Variants in GPR55 observed in about 807,000 individuals in gnomAD.
GPR55 encodes G protein-coupled receptor 55.
In GPR55, 6 loss-of-function variants were observed where a neutral mutation model predicts 7.9. That is an observed-to-expected ratio of 0.76 (90% confidence interval 0.41 to 1.49). The LOEUF (loss-of-function observed/expected upper bound fraction) is 1.49. Among genes scored for constraint, GPR55 ranks in the 40% most tolerant of loss-of-function variants. GPR55 has a pLI of 0.01. For synonymous variants in GPR55, 183 were observed against 166.8 expected, an observed-to-expected ratio of 1.10 and a Z score of -0.75; for missense variants, 376 against 406.0, an observed-to-expected ratio of 0.93 and a Z score of 0.63.
In GPR55 at chr2:230,907,507, A is replaced by T. The variant is rs967917673; in HGVS notation, c.*2496T>A. 2.0e-5 allele frequency: 3 copies of T among 152,054 alleles called. No homozygotes were observed. The highest frequency in any genetic ancestry group is 7.2e-5 in the African/African-American group (3 of 41,382). 9.4% of individuals were successfully genotyped at this position (152,054 alleles called of 1,614,324 possible). On this transcript the variant is annotated 3_prime_UTR_variant, in exon 2 of 2. Coordinates refer to ENST00000650999, the MANE Select transcript of GPR55 (RefSeq NM_005683.4). Reference sequence around the variant, plus strand: ...GCAGCCGTAGTGGCCTGCAGCATGGACCTGTGCCCGCTCCCACAGACACGG... The same window carrying T: ...GCAGCCGTAGTGGCCTGCAGCATGGTCCTGTGCCCGCTCCCACAGACACGG...
chr2:230,940,831 T>C (rs1228050170), intron 1 of GPR55, among the ~76,000 whole-genome samples: 1 of 152,156 alleles, frequency 6.6e-6, no homozygotes, highest in African/African-American at 2.4e-5. Context: ...AAGAAGGGGT[T>C]GGAGACCAGG....
At position 230,908,251 on chromosome 2, in the gene GPR55, C is replaced by T; in HGVS notation, c.*1752G>A. On this transcript the variant is annotated 3_prime_UTR_variant, in exon 2 of 2. Coordinates refer to ENST00000650999, the MANE Select transcript of GPR55 (RefSeq NM_005683.4). ...CTGGTCTGGTCTGGTCTGGTCACTC[C>T]TCCACATCCACTTCCACCCCTTCAT... 1 of 153,214 alleles carries T rather than the reference C, an allele frequency of 6.5e-6. No homozygotes were observed. Among genetic ancestry groups the T allele is most frequent in the Non-Finnish European group, 1.5e-5 (1 of 68,730 alleles). The allele number at this position is 153,214 out of a possible 1,614,324, so 9.5% of individuals were successfully genotyped here.
In GPR55 at chr2:230,944,582, T is replaced by C. The variant is rs1691282910; in HGVS notation, c.-135+16193A>G. 6.6e-6 allele frequency among the ~76,000 whole-genome samples: 1 copy of C among 152,156 alleles called. No homozygotes were observed. Among genetic ancestry groups the C allele is most frequent in the Admixed American group, 6.5e-5 (1 of 15,280 alleles). ...CGTGTCTCTGGGAGCCCCCGGAGAATGACTCAACAGTGACGTCCTACAGCA... is the reference window on the plus strand; with the variant it reads ...CGTGTCTCTGGGAGCCCCCGGAGAACGACTCAACAGTGACGTCCTACAGCA... On this transcript the variant is annotated intron_variant, in intron 1 of 1. Transcript: ENST00000392039. The surrounding 1 kb of genome is among the most constrained non-coding windows in gnomAD (Gnocchi z 4.2).
chr2:230,957,992 G>T, intron 1 of GPR55: 2 of 409,262 alleles, frequency 4.9e-6, no homozygotes, highest in South Asian at 4.2e-5. Flanking sequence ...CCTGAAGTCA[G>T]TGTGAACAAA....
chr2:230,912,719 C>T (rs908535376), intron 1 of GPR55, among the ~76,000 whole-genome samples: 8 of 152,212 alleles, frequency 5.3e-5, no homozygotes, highest in Non-Finnish European at 1.0e-4. Flanking sequence ...GGATTACAGG[C>T]GGGAGGCCCC....
At chr2:230,960,017 G>A (rs1691545001) in intron 1 of GPR55, among the ~76,000 whole-genome samples, 1 of 152,214 alleles carries the variant, frequency 6.6e-6, no homozygotes, top group Non-Finnish European at 1.5e-5. Flanking sequence ...GGATCATAGA[G>A]TAGACCCACC....
intron 1 of GPR55, among the ~76,000 whole-genome samples, chr2:230,947,626 C>T (rs1574634987): frequency 6.6e-6 from 1 of 151,760 alleles, no homozygotes; most frequent in Non-Finnish European, 1.5e-5. Flanking sequence ...GCCTCAGCCT[C>T]CCACGTAGCT....
In GPR55 at chr2:230,924,049, C is replaced by A. The variant is rs935474347; in HGVS notation, c.-135+1119G>T. Among the ~76,000 whole-genome samples the A allele has an allele frequency of 2.0e-5, 3 of 152,120 alleles. No individual in the cohort carries two copies. Among genetic ancestry groups the A allele is most frequent in the Non-Finnish European group, 2.9e-5 (2 of 68,026 alleles). The stretch of plus-strand genomic sequence containing the variant: ...TTCCCAGTGCAGTCCTGAGTGGGTG[C>A]CTTGAAAAGTCCTCTGTGTATCCCA... On this transcript the variant is annotated intron_variant, in intron 1 of 1. Coordinates refer to ENST00000650999, the MANE Select transcript of GPR55 (RefSeq NM_005683.4). This position sits in a 1 kb window ranked among gnomAD's most constrained non-coding sequence, Gnocchi z 4.5.
At position 230,924,636 on chromosome 2, in the gene GPR55, A is replaced by G. The variant is rs1690910004; in HGVS notation, c.-135+532T>C. Reference sequence around the variant, plus strand: ...TGCCCCAGAGAGGTAAACGGAGGCTAGAGAAATTACGCAGCTGGTGAGTGG... The same window carrying G: ...TGCCCCAGAGAGGTAAACGGAGGCTGGAGAAATTACGCAGCTGGTGAGTGG... On this transcript the variant is annotated intron_variant, in intron 1 of 1. Coordinates refer to ENST00000650999, the MANE Select transcript of GPR55 (RefSeq NM_005683.4). The surrounding 1 kb of genome is among the most constrained non-coding windows in gnomAD (Gnocchi z 4.5). 6.6e-6 allele frequency: 1 copy of G among 152,208 alleles called. No individual in the cohort carries two copies. The highest frequency in any genetic ancestry group is 2.4e-5 in the African/African-American group (1 of 41,420). 9.4% of individuals were successfully genotyped at this position (152,208 alleles called of 1,614,324 possible).
At chr2:230,940,213 G>A (rs111319637) in intron 1 of GPR55, among the ~76,000 whole-genome samples, 3,698 of 152,184 alleles carry the variant, frequency 0.024, 138 homozygotes, top group African/African-American at 0.085. Flanking sequence ...GCGAGGAAGG[G>A]GGCTAACCGC....
rs557123726 is a variant in GPR55 at position 230,909,940 on chromosome 2, C to A, written c.*63G>T. On this transcript the variant is annotated 3_prime_UTR_variant, in exon 2 of 2. Coordinates refer to ENST00000650999, the MANE Select transcript of GPR55 (RefSeq NM_005683.4). ...ATCCCACCACATCAAAACCCTGGAA[C>A]GCGATATCCGTTACCAGAATTCAGG... The A allele has an allele frequency of 2.2e-5, 33 of 1,486,314 alleles. No homozygotes were observed. In the South Asian group the frequency reaches 3.5e-4, roughly 16 times the overall value. 92.1% of individuals were successfully genotyped at this position (1,486,314 alleles called of 1,614,324 possible).
At chr2:230,951,659 T>C (rs1392040822) in intron 1 of GPR55, among the ~76,000 whole-genome samples, 5 of 152,118 alleles carry the variant, frequency 3.3e-5, no homozygotes, top group Admixed American at 6.5e-5. Context: ...CAACTTAGAG[T>C]TGGCTGGGAT....
chr2:230,936,967 A>G (rs1302522490), intron 1 of GPR55, among the ~76,000 whole-genome samples: 1 of 152,222 alleles, frequency 6.6e-6, no homozygotes, highest in Non-Finnish European at 1.5e-5. Context: ...CAGATTTCCT[A>G]TGTCAAATCC....
upstream of GPR55, among the ~76,000 whole-genome samples, chr2:230,929,151 C>A (rs1048758236): frequency 1.3e-5 from 2 of 152,150 alleles, no homozygotes; most frequent in Non-Finnish European, 2.9e-5. Context: ...CTGCATCCGG[C>A]CACCAAGCCC....
At chr2:230,941,421 G>T (rs755434) in intron 1 of GPR55, among the ~76,000 whole-genome samples, 3,706 of 152,192 alleles carry the variant, frequency 0.024, 139 homozygotes, top group African/African-American at 0.085. Context: ...GCCTGCCCCC[G>T]CTCCCAGACC....
chr2:230,930,119 A>T (rs1050443259), upstream of GPR55, among the ~76,000 whole-genome samples: 3 of 152,218 alleles, frequency 2.0e-5, no homozygotes, highest in Admixed American at 6.5e-5. Context: ...CTCACCTCTG[A>T]GTACCCCCTC....
At chr2:230,918,541 T>G (rs1690765062) in intron 1 of GPR55, among the ~76,000 whole-genome samples, 1 of 152,172 alleles carries the variant, frequency 6.6e-6, no homozygotes, top group African/African-American at 2.4e-5. Context: ...TATAAAGTAT[T>G]TCAGAACATA....
chr2:230,939,390 C>G (rs75910370), intron 1 of GPR55, among the ~76,000 whole-genome samples: 5,728 of 152,244 alleles, frequency 0.038, 360 homozygotes, highest in African/African-American at 0.13. Context: ...TGGAGCCAGG[C>G]AATGACAAGC....
In GPR55 at chr2:230,910,080, A is replaced by G. The variant is rs1690549510; in HGVS notation, c.883T>C (p.Phe295Leu). ...CGGTGGGCCCTGATGTTCATGCGGAATTCTTTGATGACAAAGTAGTAGCAG... is the reference window on the plus strand; with the variant it reads ...CGGTGGGCCCTGATGTTCATGCGGAGTTCTTTGATGACAAAGTAGTAGCAG... ...VFCYYFVIKE[F>L]RMNIRAHRPS... The change falls in exon 2 of 2, where the codon TTC becomes CTC. Residue 295 changes from phenylalanine to leucine, a missense_variant. Physicochemically the swap from Phe to Leu is conservative, Grantham distance 22. Transcript: ENST00000650999. The surrounding 1 kb of genome is among the most constrained non-coding windows in gnomAD (Gnocchi z 5.4). The G allele has an allele frequency of 6.2e-7, 1 of 1,614,198 alleles. No homozygotes were observed. The highest frequency in any genetic ancestry group is 1.1e-5 in the South Asian group (1 of 91,078).
Sources: allele counts gnomAD v4.1 joint callset (sites outside exome capture counted in the v4.1 genomes callset), GRCh38; gene constraint gnomAD v4.1.1; non-coding constraint Gnocchi (gnomAD v3.1); transcripts MANE v1.5; gene names NCBI Gene and HGNC (gene_info 2026-07-23, HGNC 2026-07-21).